Variants in GPR39 observed in about 807,000 individuals in gnomAD.
The protein encoded by GPR39 is G protein-coupled receptor 39, also known as zinc sensing receptor.
GPR39 carries 23 observed loss-of-function variants against 18.4 expected under a neutral mutation model. The observed-to-expected ratio is 1.25, with a 90% CI of 0.90 to 1.77. GPR39 has a LOEUF of 1.77. Among genes scored for constraint, GPR39 ranks in the 40% most tolerant of loss-of-function variants. GPR39 has a pLI of 0.00. For missense variants in GPR39, 647 were observed against 602.4 expected (o/e 1.07, Z -0.78); for synonymous variants, 280 against 257.9 (o/e 1.09, Z -0.82).
intron 1 of GPR39, among the ~76,000 whole-genome samples, chr2:132,543,887 G>C (rs1222434516): frequency 6.6e-6 from 1 of 152,190 alleles, no homozygotes; most frequent in African/African-American, 2.4e-5. Flanking sequence ...TGGCATGCAA[G>C]CAAGGGCTTT....
At chr2:132,471,783 C>T (rs116229643) in intron 1 of GPR39, among the ~76,000 whole-genome samples, 3,149 of 152,040 alleles carry the variant, frequency 0.021, 98 homozygotes, top group African/African-American at 0.071. Flanking sequence ...CATTGTCGTA[C>T]TTCCTTTGCA....
chr2:132,523,038 T>C (rs1050716269), intron 1 of GPR39, among the ~76,000 whole-genome samples: 2 of 152,218 alleles, frequency 1.3e-5, no homozygotes, highest in African/African-American at 4.8e-5. Flanking sequence ...CAGGTGGCTC[T>C]GCCACCACCA....
intron 1 of GPR39, among the ~76,000 whole-genome samples, chr2:132,528,190 C>T (rs894956133): frequency 6.6e-6 from 1 of 152,128 alleles, no homozygotes; most frequent in African/African-American, 2.4e-5. Flanking sequence ...ATGGGGAATC[C>T]TTTCTCCATT....
At chr2:132,605,491 G>C (rs746358370) in intron 1 of GPR39, among the ~76,000 whole-genome samples, 2 of 152,274 alleles carry the variant, frequency 1.3e-5, no homozygotes, top group South Asian at 4.1e-4. Context: ...TCTCCAGAAA[G>C]GTCCAGGGAA....
At chr2:132,493,090 A>ATACCATATG (rs1681535303) in intron 1 of GPR39, among the ~76,000 whole-genome samples, 1 of 144,060 alleles carries the variant, frequency 6.9e-6, no homozygotes, top group Admixed American at 7.0e-5. Context: ...TATACCATAT[A>ATACCATATG]TATACACCAT....
intron 1 of GPR39, among the ~76,000 whole-genome samples, chr2:132,438,520 G>T (rs980061306): frequency 6.8e-6 from 1 of 146,552 alleles, no homozygotes; most frequent in East Asian, 2.0e-4. Context: ...AGCAAATTAC[G>T]TATGGGCAAT....
intron 1 of GPR39, among the ~76,000 whole-genome samples, chr2:132,533,223 C>A (rs1032910250): frequency 6.6e-6 from 1 of 152,140 alleles, no homozygotes. Context: ...AGAGCCAAAT[C>A]ATGAGTGAAC....
rs1300248503 is a variant in GPR39 at position 132,645,574 on chromosome 2, G to A, written c.1330G>A (p.Ala444Thr). 6.2e-7 allele frequency: 1 copy of A among 1,613,790 alleles called. No individual in the cohort carries two copies. Among genetic ancestry groups the A allele is most frequent in the Non-Finnish European group, 8.5e-7 (1 of 1,179,950 alleles). Residue 444 changes from alanine (A) to threonine (T), a missense_variant, in exon 2 of 2, where the codon GCA (alanine) becomes ACA (threonine). By Grantham distance (58) the Ala-to-Thr change is moderately conservative (BLOSUM62 0). This residue lies in a region of GPR39 where 581 missense variants were observed against 506.8 expected (regional missense o/e 1.15). Coordinates refer to ENST00000329321, the MANE Select transcript of GPR39 (RefSeq NM_001508.3). ...NSGAKPANSAAENGFQEHEV is the reference protein window; with the variant it reads ...NSGAKPANSATENGFQEHEV ...AGGCGCGAAACCAGCCAATTCTGCTGCAGAGAATGGTTTTCAGGAGCATGA... is the reference window on the plus strand; with the variant it reads ...AGGCGCGAAACCAGCCAATTCTGCTACAGAGAATGGTTTTCAGGAGCATGA...
rs755813417 is a variant in GPR39 at position 132,646,312 on chromosome 2, C to G, written c.*706C>G. ...CACAGACCCAAAGGAGCTGAGTTAA[C>G]GTGCACCGGCAAAAGAATAGCTGTC... is the stretch of plus-strand genomic sequence containing the variant. On this transcript the variant is annotated 3_prime_UTR_variant, in exon 2 of 2. Coordinates refer to ENST00000329321, the MANE Select transcript of GPR39 (RefSeq NM_001508.3). 2 of 1,373,968 alleles carry G rather than the reference C, an allele frequency of 1.5e-6. No individual in the cohort carries two copies. The highest frequency in any genetic ancestry group is 9.6e-7 in the Non-Finnish European group (1 of 1,041,384). The allele number at this position is 1,373,968 out of a possible 1,614,324, so 85.1% of individuals were successfully genotyped here.
In GPR39 at chr2:132,646,413, G is replaced by C; in HGVS notation, c.*807G>C. 2.1e-6 allele frequency: 1 copy of C among 473,382 alleles called. No individual in the cohort carries two copies. Among genetic ancestry groups the C allele is most frequent in the Non-Finnish European group, 3.6e-6 (1 of 276,380 alleles). The allele number at this position is 473,382 out of a possible 1,614,324, so 29.3% of individuals were successfully genotyped here. A position where few individuals can be genotyped will look rare whatever the true frequency, so the allele number is the denominator to read the frequency against. On this transcript the variant is annotated 3_prime_UTR_variant, in exon 2 of 2. Transcript: ENST00000329321. ...CCAGAGACTAGGTGAGGTCAGGGAA[G>C]TGCTTCGGATTGTCTCATTGATATT...
At chr2:132,633,348 GTGTGT>G (rs1681686285) in intron 1 of GPR39, among the ~76,000 whole-genome samples, 1 of 147,792 alleles carries the variant, frequency 6.8e-6, no homozygotes, top group Non-Finnish European at 1.5e-5. Context: ...CTGTGTGTGT[GTGTGT>G]GTGTGTGTGT....
At chr2:132,609,520 C>T (rs991996717) in intron 1 of GPR39, among the ~76,000 whole-genome samples, 2 of 152,150 alleles carry the variant, frequency 1.3e-5, no homozygotes, top group East Asian at 3.9e-4. Context: ...AGTCAGTGTT[C>T]TTAATTACTA....
chr2:132,427,330 A>AT (rs1680144283), intron 1 of GPR39, among the ~76,000 whole-genome samples: 1 of 131,216 alleles, frequency 7.6e-6, no homozygotes, highest in Non-Finnish European at 1.6e-5. Flanking sequence ...CACCTGGCTA[A>AT]TATATTTTTT....
chr2:132,540,004 C>T (rs1679834168), intron 1 of GPR39, among the ~76,000 whole-genome samples: 1 of 152,066 alleles, frequency 6.6e-6, no homozygotes, highest in Admixed American at 6.6e-5. Flanking sequence ...CCATCTGCAC[C>T]CCACAGAGGA....
intron 1 of GPR39, among the ~76,000 whole-genome samples, chr2:132,636,388 C>A (rs1398418088): frequency 2.0e-5 from 3 of 152,176 alleles, no homozygotes; most frequent in Admixed American, 6.5e-5. Context: ...CTCCCAGGGT[C>A]TGGGAGCCCA....
chr2:132,561,726 C>T (rs1175799712), intron 1 of GPR39, among the ~76,000 whole-genome samples: 1 of 152,142 alleles, frequency 6.6e-6, no homozygotes, highest in East Asian at 1.9e-4. Flanking sequence ...GTCCAAAGGC[C>T]TGAGAACCAC....
intron 1 of GPR39, among the ~76,000 whole-genome samples, chr2:132,431,963 G>T (rs1680230729): frequency 6.6e-6 from 1 of 152,184 alleles, no homozygotes; most frequent in Non-Finnish European, 1.5e-5. Flanking sequence ...TTAGGCTTTA[G>T]GAGAGAATTC....
intron 1 of GPR39, among the ~76,000 whole-genome samples, chr2:132,564,817 T>C (rs1209234461): frequency 1.5e-4 from 19 of 130,756 alleles, no homozygotes; most frequent in South Asian, 2.8e-4. Context: ...TTTCTTTTTT[T>C]TTTTTTTTTT....
intron 1 of GPR39, among the ~76,000 whole-genome samples, chr2:132,485,362 GT>G (rs2104791772): frequency 6.6e-6 from 1 of 152,262 alleles, no homozygotes; most frequent in Admixed American, 6.5e-5. Flanking sequence ...GACAGTTAGG[GT>G]AGTTGTGACA....
Sources: allele counts gnomAD v4.1 joint callset (sites outside exome capture counted in the v4.1 genomes callset), GRCh38; gene constraint gnomAD v4.1.1; regional missense constraint gnomAD v4.1.1; transcripts MANE v1.5; gene names NCBI Gene and HGNC (gene_info 2026-07-23, HGNC 2026-07-21).